Variants in UNC5D observed in about 807,000 individuals in gnomAD.
The protein encoded by UNC5D is unc-5 netrin receptor D.
Under a neutral mutation model 105.4 loss-of-function variants are expected in UNC5D, and 39 were observed. The ratio of observed to expected loss-of-function variants is 0.37; its 90% CI spans 0.29 to 0.48. UNC5D has a LOEUF of 0.48. UNC5D is among the 20% of genes least tolerant of loss of function. UNC5D has a pLI of 0.98. For missense variants in UNC5D, 991 were observed against 1,202.4 expected (o/e 0.82, Z 2.60); for synonymous variants, 452 against 450.4 (o/e 1.00, Z -0.04).
At chr8:35,368,775 T>C (rs1454828916) in intron 1 of UNC5D, among the ~76,000 whole-genome samples, 3 of 151,998 alleles carry the variant, frequency 2.0e-5, no homozygotes, top group African/African-American at 7.2e-5. Context: ...CCTTATGATA[T>C]TGGGTCCCTT....
chr8:35,439,389 G>T (rs781083262), intron 1 of UNC5D, among the ~76,000 whole-genome samples: 2 of 151,994 alleles, frequency 1.3e-5, no homozygotes, highest in African/African-American at 2.4e-5. Context: ...GCTGCTCCTT[G>T]TTGGCCAGTT....
chr8:35,698,654 C>T lies in UNC5D; in HGVS notation c.1085-7275C>T, dbSNP rs544445381. Among the ~76,000 whole-genome samples, 5 of 152,196 alleles carry T rather than the reference C, an allele frequency of 3.3e-5. No homozygotes were observed. In the South Asian group the frequency reaches 6.2e-4, roughly 19 times the overall value. On this transcript the variant is annotated intron_variant, in intron 7 of 16. Coordinates refer to ENST00000404895, the MANE Select transcript of UNC5D (RefSeq NM_080872.4). ...ATATACTACATTTTCTTTATCCATT[C>T]ATTTGTCAACAGGCATTTAGGTTGT...
At chr8:35,308,673 A>G (rs1808626797) in intron 1 of UNC5D, among the ~76,000 whole-genome samples, 1 of 152,146 alleles carries the variant, frequency 6.6e-6, no homozygotes. Context: ...GTTTCCATGC[A>G]TGGTCCATGT....
Position 35,781,229 on chromosome 8 carries a change from G to A in UNC5D, c.2657+6752G>A, listed in dbSNP as rs78712687. On this transcript the variant is annotated intron_variant, in intron 16 of 16. Coordinates refer to ENST00000404895, the MANE Select transcript of UNC5D (RefSeq NM_080872.4). ...GTCAAAGCCAGTGATTCATGAAACTGCCCGCTAATATGAAGCTGAACATAG... is the reference window on the plus strand; with the variant it reads ...GTCAAAGCCAGTGATTCATGAAACTACCCGCTAATATGAAGCTGAACATAG... Among the ~76,000 whole-genome samples, 95 of 152,284 alleles carry A rather than the reference G, an allele frequency of 6.2e-4. 1 individual carries two copies. The East Asian group carries it at 0.018, about 28-fold the overall frequency.
intron 1 of UNC5D, among the ~76,000 whole-genome samples, chr8:35,351,336 T>A (rs2128910060): frequency 6.6e-6 from 1 of 152,228 alleles, no homozygotes; most frequent in African/African-American, 2.4e-5. Flanking sequence ...GAGGTGATCT[T>A]ATCCAGGGGT....
chr8:35,254,066 C>T (rs1365841332), intron 1 of UNC5D, among the ~76,000 whole-genome samples: 1 of 152,208 alleles, frequency 6.6e-6, no homozygotes, highest in African/African-American at 2.4e-5. Flanking sequence ...GAGTTTAATG[C>T]TTTCATACAC....
intron 1 of UNC5D, among the ~76,000 whole-genome samples, chr8:35,259,003 G>C (rs1804266002): frequency 6.6e-6 from 1 of 152,128 alleles, no homozygotes; most frequent in Non-Finnish European, 1.5e-5. Flanking sequence ...CTTCCCCCTG[G>C]CTGTTTAGGT....
chr8:35,585,376 A>G (rs1017733495), intron 3 of UNC5D, among the ~76,000 whole-genome samples: 8 of 152,106 alleles, frequency 5.3e-5, no homozygotes, highest in African/African-American at 1.9e-4. Context: ...AAGAGAGTGC[A>G]TGGAGAGTTG....
At chr8:35,448,913 C>T (rs1250970554) in intron 1 of UNC5D, among the ~76,000 whole-genome samples, 1 of 152,018 alleles carries the variant, frequency 6.6e-6, no homozygotes, top group Admixed American at 6.6e-5. Flanking sequence ...CCTCCAGTTC[C>T]ATCCATGTTG....
intron 12 of UNC5D, among the ~76,000 whole-genome samples, chr8:35,750,261 G>A (rs923311136): frequency 4.0e-5 from 6 of 151,570 alleles, no homozygotes; most frequent in African/African-American, 2.4e-5. Context: ...CCTCAGACCC[G>A]ACCTGACCCC....
Position 35,750,741 on chromosome 8 carries a change from A to T in UNC5D, c.2095A>T (p.Met699Leu). ...ACTGAAGGTGGCGGTTTTTGGCTGC[A>T]TGTCCTGTAACTCCCTGGATTACAA... The part of the protein sequence containing the change: ...KQLKVAVFGC[M>L]SCNSLDYNLR... Residue 699 changes from methionine to leucine, a missense_variant, in exon 13 of 17, where the codon ATG becomes TTG. Around this residue, in one of 3 missense-constraint regions of UNC5D, gnomAD observed 944 missense variants for 1,131.6 expected, o/e 0.83. Coordinates refer to ENST00000404895, the MANE Select transcript of UNC5D (RefSeq NM_080872.4). 6.2e-7 allele frequency: 1 copy of T among 1,614,158 alleles called. No homozygotes were observed. The highest frequency in any genetic ancestry group is 8.5e-7 in the Non-Finnish European group (1 of 1,180,018).
chr8:35,400,990 C>A (rs1392364730), intron 1 of UNC5D, among the ~76,000 whole-genome samples: 2 of 152,024 alleles, frequency 1.3e-5, no homozygotes, highest in African/African-American at 2.4e-5. Context: ...TTTCTTGGCA[C>A]CAGTAATACA....
intron 1 of UNC5D, among the ~76,000 whole-genome samples, chr8:35,244,365 T>G (rs946272204): frequency 6.6e-6 from 1 of 152,138 alleles, no homozygotes. Context: ...ACTTCACTCA[T>G]AGTCCATTTG....
chr8:35,241,278 C>T (rs751703212), intron 1 of UNC5D, among the ~76,000 whole-genome samples: 5 of 152,206 alleles, frequency 3.3e-5, no homozygotes, highest in Non-Finnish European at 7.3e-5. Context: ...TGCATACACA[C>T]GCTGTGCGTA....
At chr8:35,267,771 C>T (rs1275345822) in intron 1 of UNC5D, among the ~76,000 whole-genome samples, 1 of 152,130 alleles carries the variant, frequency 6.6e-6, no homozygotes, top group African/African-American at 2.4e-5. Context: ...CATAGATGTT[C>T]TCTGGCTGTC....
At chr8:35,771,513 T>A (rs1366297522) in intron 15 of UNC5D, among the ~76,000 whole-genome samples, 1 of 152,206 alleles carries the variant, frequency 6.6e-6, no homozygotes, top group Non-Finnish European at 1.5e-5. Flanking sequence ...TTTTAGAGAC[T>A]AGAAGAAATT....
At chr8:35,247,150 CAA>C (rs891037133) in intron 1 of UNC5D, among the ~76,000 whole-genome samples, 38 of 151,812 alleles carry the variant, frequency 2.5e-4, no homozygotes, top group Non-Finnish European at 4.1e-4. Context: ...AATAGAGGCA[CAA>C]AGGAATTCAA....
At chr8:35,626,814 A>G (rs968760582) in intron 4 of UNC5D, among the ~76,000 whole-genome samples, 1 of 152,186 alleles carries the variant, frequency 6.6e-6, no homozygotes, top group Non-Finnish European at 1.5e-5. Context: ...CCTAGTCTAT[A>G]TATGAAAACA....
At chr8:35,553,887 G>A (rs1041244504) in intron 2 of UNC5D, among the ~76,000 whole-genome samples, 7 of 152,144 alleles carry the variant, frequency 4.6e-5, no homozygotes, top group African/African-American at 1.2e-4. Flanking sequence ...TCTAATAGGA[G>A]TGAATGACAC....
Sources: allele counts gnomAD v4.1 joint callset (sites outside exome capture counted in the v4.1 genomes callset), GRCh38; gene constraint gnomAD v4.1.1; regional missense constraint gnomAD v4.1.1; transcripts MANE v1.5; gene names NCBI Gene and HGNC (gene_info 2026-07-23, HGNC 2026-07-21).